Variants in NDUFAB1 observed in about 807,000 individuals in gnomAD.
The protein encoded by NDUFAB1 is acyl carrier protein, mitochondrial.
A neutral mutation model predicts 16.1 loss-of-function variants in NDUFAB1; 5 were observed. That is an observed-to-expected ratio of 0.31 (90% confidence interval 0.16 to 0.65). The LOEUF is 0.65. Ranked by LOEUF, NDUFAB1 falls within the 30% of genes least tolerant of loss-of-function variation. The pLI, the probability that NDUFAB1 is intolerant of heterozygous loss-of-function variation, is 0.77. For synonymous variants in NDUFAB1, 85 were observed against 78.4 expected (o/e 1.08, Z -0.44); for missense variants, 187 against 205.3 (o/e 0.91, Z 0.54).
intron 1 of NDUFAB1, among the ~76,000 whole-genome samples, chr16:23,590,271 C>T (rs986321853): frequency 1.6e-4 from 24 of 152,194 alleles, no homozygotes; most frequent in Non-Finnish European, 2.4e-4. Context: ...TCAGGATCAG[C>T]GTGAGGCAGT....
At chr16:23,595,980 T>C in intron 1 of NDUFAB1, 143 bp downstream of exon 1, 1 of 1,027,110 alleles carries the variant, frequency 9.7e-7, no homozygotes, top group Non-Finnish European at 1.4e-6. Context: ...TAAACACCTT[T>C]AGGCAGCGGG....
chr16:23,588,181 G>A (rs766460846), intron 1 of NDUFAB1, among the ~76,000 whole-genome samples: 2 of 152,142 alleles, frequency 1.3e-5, no homozygotes, highest in Admixed American at 6.5e-5. Flanking sequence ...CTGGCTAGTC[G>A]TGGTGGCTCA....
intron 1 of NDUFAB1, among the ~76,000 whole-genome samples, chr16:23,589,299 GAA>G (rs200912248): frequency 9.8e-6 from 1 of 102,420 alleles, no homozygotes; most frequent in African/African-American, 3.5e-5. Context: ...TCCGTCTCAA[GAA>G]AAAAAAAAAA....
At position 23,582,501 on chromosome 16, in the gene NDUFAB1, T is replaced by C. The variant is rs1333116543; in HGVS notation, c.380-126A>G. The C allele has an allele frequency of 4.7e-6, 6 of 1,276,148 alleles. No individual in the cohort carries two copies. The African/African-American group carries it at 7.7e-5, about 16-fold the overall frequency. 79.1% of individuals were successfully genotyped at this position (1,276,148 alleles called of 1,614,324 possible). ...ACTTTCAGCAACCTTGAATCCCATA[T>C]AGGTTGTGGGCCAGTTAGCTTCTAG... On this transcript the variant is annotated intron_variant, in intron 3 of 4. Transcript: ENST00000007516.
At chr16:23,594,785 G>T (rs1325118132) in intron 1 of NDUFAB1, among the ~76,000 whole-genome samples, 1 of 152,004 alleles carries the variant, frequency 6.6e-6, no homozygotes, top group Non-Finnish European at 1.5e-5. Flanking sequence ...ACCACGCCTG[G>T]CCAGACACAC....
Position 23,584,254 on chromosome 16 carries a change from T to TAAAAAAAAAAAA in NDUFAB1, c.379+1081_379+1082insTTTTTTTTTTTT, listed in dbSNP as rs774895056. ...GCGAGAAACACCCAAGAATGATCAATTAAAAAAAAAAAAAAAAAAAGAAAC... is the reference window on the plus strand; with the variant it reads ...GCGAGAAACACCCAAGAATGATCAATAAAAAAAAAAAATAAAAAAAAAAAAAAAAAAAGAAAC... On this transcript the variant is annotated intron_variant, in intron 3 of 4. Coordinates refer to ENST00000007516, the MANE Select transcript of NDUFAB1 (RefSeq NM_005003.3). Among the ~76,000 whole-genome samples, 71 of 12,104 alleles carry TAAAAAAAAAAAA rather than the reference T, an allele frequency of 5.9e-3. 2 individuals are homozygous for TAAAAAAAAAAAA. The highest frequency in any genetic ancestry group is 0.027 in the East Asian group (8 of 300). The allele number at this position is 12,104 out of a possible 152,430, so 7.9% of individuals were successfully genotyped here. A position where few individuals can be genotyped will look rare whatever the true frequency, so the allele number is the denominator to read the frequency against.
In NDUFAB1 at chr16:23,591,772, G is replaced by A. The variant is rs545053937; in HGVS notation, c.168+4351C>T. 7.9e-5 allele frequency among the ~76,000 whole-genome samples: 12 copies of A among 152,302 alleles called. No homozygotes were observed. The South Asian group carries it at 8.3e-4, about 11-fold the overall frequency. On this transcript the variant is annotated intron_variant, in intron 1 of 4. Coordinates refer to ENST00000007516, the MANE Select transcript of NDUFAB1 (RefSeq NM_005003.3). ...AAGTGCCAGGCTCTTCCTGGCCTCTGCACAGGCCTTCAAGATCACGTTCAC... is the reference window on the plus strand; with the variant it reads ...AAGTGCCAGGCTCTTCCTGGCCTCTACACAGGCCTTCAAGATCACGTTCAC...
chr16:23,585,899 ATAGC>A (rs1966228522), intron 2 of NDUFAB1, among the ~76,000 whole-genome samples: 1 of 152,228 alleles, frequency 6.6e-6, no homozygotes, highest in African/African-American at 2.4e-5. Context: ...CAATATATAC[ATAGC>A]TAATGAAGGA....
intron 2 of NDUFAB1, 132 bp downstream of exon 2, chr16:23,587,065 C>G: frequency 1.2e-6 from 1 of 811,710 alleles, no homozygotes; most frequent in South Asian, 1.7e-5. Context: ...GTAGCGCTGG[C>G]TATCTCCCAG....
chr16:23,592,910 G>A (rs980456235), intron 1 of NDUFAB1, among the ~76,000 whole-genome samples: 3 of 152,150 alleles, frequency 2.0e-5, no homozygotes, highest in Non-Finnish European at 2.9e-5. Context: ...GACTGGAGGC[G>A]GAGGTCTGGG....
rs944684205 is a variant in NDUFAB1 at position 23,596,247 on chromosome 16, G to A, written c.44C>T (p.Ala15Val). 1.8e-5 allele frequency: 29 copies of A among 1,599,736 alleles called. No individual in the cohort carries two copies. Among genetic ancestry groups the A allele is most frequent in the Non-Finnish European group, 2.4e-5 (28 of 1,174,538 alleles). Residue 15 changes from alanine (A) to valine (V), a missense_variant, in exon 1 of 5, where the codon GCG becomes GTG. Around this residue, in one of 3 missense-constraint regions of NDUFAB1, gnomAD observed 135 missense variants for 129.4 expected, o/e 1.04. Transcript: ENST00000007516. Reference protein sequence around the residue: ...VLSAYVSRLPAAFAPLPRVRM... With the variant: ...VLSAYVSRLPVAFAPLPRVRM... ...GACCCGGGGCAGCGGCGCAAAGGCC[G>A]CGGGCAGGCGGCTGACATAGGCTGA...
At chr16:23,584,759 T>C (rs1966219207) in intron 3 of NDUFAB1, among the ~76,000 whole-genome samples, 1 of 152,140 alleles carries the variant, frequency 6.6e-6, no homozygotes, top group Non-Finnish European at 1.5e-5. Context: ...GTGAGGAATT[T>C]TAACTAGGCC....
At chr16:23,595,098 A>C in intron 1 of NDUFAB1, among the ~76,000 whole-genome samples, 1 of 151,994 alleles carries the variant, frequency 6.6e-6, no homozygotes, top group African/African-American at 2.4e-5. Context: ...TAAAAATACA[A>C]AACTTAGCCG....
At position 23,587,417 on chromosome 16, in the gene NDUFAB1, T is replaced by C. The variant is rs1861895983; in HGVS notation, c.169-98A>G. 6 of 1,437,298 alleles carry C rather than the reference T, an allele frequency of 4.2e-6. No homozygotes were observed. In the South Asian group the frequency reaches 6.6e-5, roughly 16 times the overall value. The allele number at this position is 1,437,298 out of a possible 1,614,324, so 89.0% of individuals were successfully genotyped here. Reference sequence around the variant, plus strand: ...GTAACTTTCACAGAACTTTCGGGGCTTTAGAGAACCCACAGCATCTGATTC... The same window carrying C: ...GTAACTTTCACAGAACTTTCGGGGCCTTAGAGAACCCACAGCATCTGATTC... On this transcript the variant is annotated intron_variant, in intron 1 of 4. Transcript: ENST00000007516.
chr16:23,594,147 C>G (rs1349558696), intron 1 of NDUFAB1, among the ~76,000 whole-genome samples: 1 of 151,974 alleles, frequency 6.6e-6, no homozygotes, highest in East Asian at 2.0e-4. Flanking sequence ...TCCCAAACTG[C>G]TGGGATTACA....
chr16:23,582,133 C>T (rs756359679), intron 4 of NDUFAB1, 143 bp downstream of exon 4: 31 of 1,026,318 alleles, frequency 3.0e-5, no homozygotes, highest in Non-Finnish European at 3.9e-5. Context: ...CTTTGAGTGG[C>T]AGACAACAGG....
rs1001623983 is a variant in NDUFAB1 at position 23,581,182 on chromosome 16, G to C, written c.*9-9C>G. The C allele has an allele frequency of 6.6e-6, 1 of 152,538 alleles. No homozygotes were observed. Among genetic ancestry groups the C allele is most frequent in the Non-Finnish European group, 1.5e-5 (1 of 68,034 alleles). The allele number at this position is 152,538 out of a possible 1,614,324, so 9.4% of individuals were successfully genotyped here. On this transcript the variant is annotated splice_polypyrimidine_tract_variant and intron_variant, in intron 4 of 4. Coordinates refer to ENST00000007516, the MANE Select transcript of NDUFAB1 (RefSeq NM_005003.3). ...CAGCAAAGCCAAAGGGTCTGGAAAAGACAAAATAAGTTCAATGTTATTTTT... is the reference window on the plus strand; with the variant it reads ...CAGCAAAGCCAAAGGGTCTGGAAAACACAAAATAAGTTCAATGTTATTTTT...
At chr16:23,585,501 C>T in intron 2 of NDUFAB1, 78 bp from the exon 3 acceptor site, 1 of 960,644 alleles carries the variant, frequency 1.0e-6, no homozygotes. Context: ...TGGTACAATG[C>T]CACTTAATCA....
chr16:23,591,708 T>C (rs1966281175), intron 1 of NDUFAB1, among the ~76,000 whole-genome samples: 1 of 152,182 alleles, frequency 6.6e-6, no homozygotes, highest in Admixed American at 6.5e-5. Context: ...CCCAACAATG[T>C]TCCCTTCCAG....
Sources: gnomAD v4.1 joint callset for allele counts (sites outside exome capture counted in the v4.1 genomes callset) on GRCh38, gnomAD v4.1.1 for gene constraint, gnomAD v4.1.1 regional missense constraint, MANE v1.5 for transcripts, NCBI Gene and HGNC (gene_info 2026-07-23, HGNC 2026-07-21) for gene names.